The following PLXNA1 variants were observed in gnomAD, a reference collection of about 807,000 sequenced individuals.
The protein encoded by PLXNA1 is plexin A1, also known as plexin-A1.
A neutral mutation model predicts 191.7 loss-of-function variants in PLXNA1; 77 were observed. The observed-to-expected ratio is 0.40, with a 90% CI of 0.33 to 0.49. The LOEUF (loss-of-function observed/expected upper bound fraction) is 0.49, where lower values mean the gene tolerates loss of function less well. PLXNA1 is among the 20% of genes least tolerant of loss of function. The pLI is 0.63. For synonymous variants in PLXNA1, 1,137 were observed against 1,156.4 expected, an observed-to-expected ratio of 0.98 and a Z score of 0.34; for missense variants, 2,110 against 2,660.2, an observed-to-expected ratio of 0.79 and a Z score of 4.55.
chr3:126,997,763 C>T lies in PLXNA1; in HGVS notation c.1378-5567C>T, dbSNP rs550039715. ...GTGGTGTGCGAGGGTGCATAAGCAT[C>T]GCTTCTGCTTCCCAGTGGCTGGCAG... On this transcript the variant is annotated intron_variant, in intron 3 of 31. Coordinates refer to ENST00000393409, the MANE Select transcript of PLXNA1 (RefSeq NM_032242.4). 2.0e-4 allele frequency among the ~76,000 whole-genome samples: 30 copies of T among 152,334 alleles called. No homozygotes were observed. The East Asian group carries it at 3.9e-3, about 20-fold the overall frequency.
intron 3 of PLXNA1, among the ~76,000 whole-genome samples, chr3:126,995,102 C>A (rs1297434542): frequency 6.6e-6 from 1 of 152,202 alleles, no homozygotes; most frequent in African/African-American, 2.4e-5. Flanking sequence ...GGCCCCGGGC[C>A]AGTTCCTGTC....
At position 127,034,136 on chromosome 3, in the gene PLXNA1, A is replaced by G. The variant is rs1418664607; in HGVS notation, c.*119A>G. 1.1e-5 allele frequency: 10 copies of G among 906,428 alleles called. No homozygotes were observed. The highest frequency in any genetic ancestry group is 1.7e-5 in the Non-Finnish European group (10 of 601,054). The allele number at this position is 906,428 out of a possible 1,614,324, so 56.1% of individuals were successfully genotyped here. A position where few individuals can be genotyped will look rare whatever the true frequency, so the allele number is the denominator to read the frequency against. ...GTGCTCGGGCCGCCGCAGTGCAGCGACTGCCCGGCCCTCCCTCCCCTGCCT... is the reference window on the plus strand; with the variant it reads ...GTGCTCGGGCCGCCGCAGTGCAGCGGCTGCCCGGCCCTCCCTCCCCTGCCT... On this transcript the variant is annotated 3_prime_UTR_variant, in exon 32 of 32. Transcript: ENST00000393409.
chr3:126,985,506 C>T (rs769229002), intron 1 of PLXNA1, among the ~76,000 whole-genome samples: 66 of 152,080 alleles, frequency 4.3e-4, no homozygotes, highest in Non-Finnish European at 7.5e-4. Flanking sequence ...CCCCCACCCC[C>T]ACCACGAATG....
rs140071321 is a variant in PLXNA1, at chr3:127,021,286, G to A, written c.4039-799G>A. Among the ~76,000 whole-genome samples the A allele has an allele frequency of 7.1e-3, 1,078 of 152,306 alleles. 12 individuals are homozygous for A. The highest frequency in any genetic ancestry group is 0.025 in the African/African-American group (1,026 of 41,568). On this transcript the variant is annotated intron_variant, in intron 21 of 31. Transcript: ENST00000393409. Reference sequence around the variant, plus strand: ...CTCTCTTTCAGTGCCTCCATTTGCTGTGTCTGTCACACTGTCTCTCTCAGC... The same window carrying A: ...CTCTCTTTCAGTGCCTCCATTTGCTATGTCTGTCACACTGTCTCTCTCAGC...
chr3:126,991,631 C>T, intron 3 of PLXNA1, 65 bp downstream of exon 3: 1 of 1,461,192 alleles, frequency 6.8e-7, no homozygotes, highest in Non-Finnish European at 9.1e-7. Flanking sequence ...TGCGGCCGTC[C>T]CAGGTGGCAG....
chr3:127,010,815 G>A (rs1225397122), intron 9 of PLXNA1, among the ~76,000 whole-genome samples: 1 of 152,344 alleles, frequency 6.6e-6, no homozygotes, highest in African/African-American at 2.4e-5. Flanking sequence ...CCTCACCATA[G>A]TCACCTTCTG....
At chr3:127,019,611 C>T (rs11719314) in intron 20 of PLXNA1, among the ~76,000 whole-genome samples, 13,708 of 152,308 alleles carry the variant, frequency 0.09, 805 homozygotes, top group Middle Eastern at 0.22. Context: ...GTCAGATGTC[C>T]CCCAGAGCCT....
chr3:127,019,431 C>T (rs1253851951), intron 20 of PLXNA1, among the ~76,000 whole-genome samples: 1 of 152,182 alleles, frequency 6.6e-6, no homozygotes, highest in East Asian at 1.9e-4. Flanking sequence ...AGGTGGGAGG[C>T]AGGTGGCCTG....
intron 2 of PLXNA1, 53 bp from the exon 3 acceptor site, chr3:126,991,331 T>A: frequency 6.3e-7 from 1 of 1,586,870 alleles, no homozygotes; most frequent in South Asian, 1.1e-5. Flanking sequence ...GGAGGCCCAG[T>A]CCTCCGGGAG....
At position 127,015,231 on chromosome 3, in the gene PLXNA1, G is replaced by A; in HGVS notation, c.2925G>A (p.Gly975=). 1 of 1,613,616 alleles carries A rather than the reference G, an allele frequency of 6.2e-7. No homozygotes were observed. The change falls in exon 15 of 32, where the codon GGG becomes GGA. Residue 975 remains glycine, a synonymous_variant. Transcript: ENST00000393409. ...GCCCCTCCCGTGGGCCTCTGTCAGG[G>A]GGCACCTGGATTGGCATCGAGGGAA... ...RVSPSRGPLS[G]GTWIGIEGSH...
chr3:127,020,951 G>A lies in PLXNA1; in HGVS notation c.4038+607G>A, dbSNP rs529814302. 2.0e-5 allele frequency among the ~76,000 whole-genome samples: 3 copies of A among 152,318 alleles called. No homozygotes were observed. The East Asian group carries it at 5.8e-4, about 29-fold the overall frequency. Reference sequence around the variant, plus strand: ...CAGCGAGCCTGGCGAGGGAAAAGAGGGCTGGCTCCCACACCCCTAAAAGGC... The same window carrying A: ...CAGCGAGCCTGGCGAGGGAAAAGAGAGCTGGCTCCCACACCCCTAAAAGGC... On this transcript the variant is annotated intron_variant, in intron 21 of 31. Transcript: ENST00000393409.
At position 127,013,193 on chromosome 3, in the gene PLXNA1, A is replaced by G. The variant is rs115881658; in HGVS notation, c.2314-827A>G. On this transcript the variant is annotated intron_variant, in intron 10 of 31. Coordinates refer to ENST00000393409, the MANE Select transcript of PLXNA1 (RefSeq NM_032242.4). ...GTTCTCTCTGCCATCCAGTCTTTCCAGACATTTCTGTTCTATCACCAACTC... is the reference window on the plus strand; with the variant it reads ...GTTCTCTCTGCCATCCAGTCTTTCCGGACATTTCTGTTCTATCACCAACTC... Among the ~76,000 whole-genome samples, 480 of 152,298 alleles carry G rather than the reference A, an allele frequency of 3.2e-3. 3 individuals are homozygous for G. Among genetic ancestry groups the G allele is most frequent in the African/African-American group, 0.011 (458 of 41,552 alleles).
At chr3:127,023,620 G>A (rs2079162856) in intron 23 of PLXNA1, among the ~76,000 whole-genome samples, 1 of 152,222 alleles carries the variant, frequency 6.6e-6, no homozygotes. Context: ...TTTCCTTATG[G>A]AATCCAGGGA....
In PLXNA1 at chr3:127,032,562, G is replaced by A. The variant is rs1461060100; in HGVS notation, c.5407G>A (p.Ala1803Thr). The change falls in exon 30 of 32, where the codon GCC (alanine) becomes ACC (threonine). Residue 1803 changes from alanine (A) to threonine (T), a missense_variant. Coordinates refer to ENST00000393409, the MANE Select transcript of PLXNA1 (RefSeq NM_032242.4). ...CTCACCCTCCAACAAGCTGCTCTAC[G>A]CCAAGGACATCCCCAACTACAAGAG... ...KDSPSNKLLYAKDIPNYKSWV... is the reference protein window; with the variant it reads ...KDSPSNKLLYTKDIPNYKSWV... 1.9e-6 allele frequency: 3 copies of A among 1,613,950 alleles called. No homozygotes were observed. The highest frequency in any genetic ancestry group is 1.7e-6 in the Non-Finnish European group (2 of 1,180,000).
At position 127,034,281 on chromosome 3, in the gene PLXNA1, A is replaced by C; in HGVS notation, c.*264A>C. On this transcript the variant is annotated 3_prime_UTR_variant, in exon 32 of 32. Coordinates refer to ENST00000393409, the MANE Select transcript of PLXNA1 (RefSeq NM_032242.4). ...CACTGGGTGCTCAGGCTGGCCAAGG[A>C]CCTTCATTGCCTGGCAAGAGCTGCC... 1 of 411,154 alleles carries C rather than the reference A, an allele frequency of 2.4e-6. No individual in the cohort carries two copies. Among genetic ancestry groups the C allele is most frequent in the Non-Finnish European group, 4.4e-6 (1 of 228,910 alleles). The allele number at this position is 411,154 out of a possible 1,614,324, so 25.5% of individuals were successfully genotyped here. A position where few individuals can be genotyped will look rare whatever the true frequency, so the allele number is the denominator to read the frequency against.
At position 127,004,971 on chromosome 3, in the gene PLXNA1, A is replaced by T; in HGVS notation, c.1706A>T (p.Gln569Leu). 1 of 1,610,246 alleles carries T rather than the reference A, an allele frequency of 6.2e-7. No homozygotes were observed. The highest frequency in any genetic ancestry group is 1.1e-5 in the South Asian group (1 of 90,974). Residue 569 changes from glutamine to leucine, a missense_variant, in exon 6 of 32, where the codon CAG becomes CTG. Physicochemically the swap from Gln to Leu is moderately radical, Grantham distance 113. Transcript: ENST00000393409. ...CTGCAGTGTGTGCAGCTGACTGTGC[A>T]GCCCCGCAATGTGTCTGTCACCATG... ...DLLQCVQLTV[Q>L]PRNVSVTMSQ...
At chr3:127,001,466 GCT>G (rs2079039548) in intron 3 of PLXNA1, among the ~76,000 whole-genome samples, 1 of 152,226 alleles carries the variant, frequency 6.6e-6, no homozygotes, top group Admixed American at 6.5e-5. Context: ...ATCCCCTGGT[GCT>G]GGTAGGGGAG....
At chr3:126,994,313 G>T (rs2079004955) in intron 3 of PLXNA1, among the ~76,000 whole-genome samples, 1 of 152,166 alleles carries the variant, frequency 6.6e-6, no homozygotes, top group Non-Finnish European at 1.5e-5. Flanking sequence ...CCAAGACCCT[G>T]GCTGTCTGGC....
chr3:127,009,558 C>CA (rs34174644), intron 9 of PLXNA1, among the ~76,000 whole-genome samples: 1 of 151,114 alleles, frequency 6.6e-6, no homozygotes, highest in African/African-American at 2.4e-5. Flanking sequence ...AGTCCCCCCC[C>CA]AACCCCCCCA....
Sources: allele counts gnomAD v4.1 joint callset (sites outside exome capture counted in the v4.1 genomes callset), GRCh38; gene constraint gnomAD v4.1.1; transcripts MANE v1.5; gene names NCBI Gene and HGNC (gene_info 2026-07-23, HGNC 2026-07-21).